Variants in CCDC171 observed in about 807,000 individuals in gnomAD.
CCDC171 encodes the protein coiled-coil domain containing 171.
A neutral mutation model predicts 168.2 loss-of-function variants in CCDC171; 177 were observed. That is an observed-to-expected ratio of 1.05 (90% confidence interval 0.93 to 1.19). CCDC171 has a LOEUF of 1.19. CCDC171 is among the 50% of genes most tolerant of loss of function. The pLI, the probability that CCDC171 is intolerant of heterozygous loss-of-function variation, is 0.00. For synonymous variants in CCDC171, 687 were observed against 540.8 expected (o/e 1.27, Z -3.75); for missense variants, 1,991 against 1,539.0 (o/e 1.29, Z -4.91).
chr9:15,581,118 G>A (rs1284423861), intron 4 of CCDC171, among the ~76,000 whole-genome samples: 1 of 152,138 alleles, frequency 6.6e-6, no homozygotes, highest in Non-Finnish European at 1.5e-5. Context: ...AAAATTGCAA[G>A]CATTCCTATA....
chr9:15,952,994 G>T (rs1829382681), intron 25 of CCDC171, among the ~76,000 whole-genome samples: 1 of 152,052 alleles, frequency 6.6e-6, no homozygotes, highest in South Asian at 2.1e-4. Context: ...TATTGTTAGG[G>T]TATGGAAATG....
chr9:15,707,853 A>G (rs1036105911), intron 11 of CCDC171, among the ~76,000 whole-genome samples: 1 of 152,134 alleles, frequency 6.6e-6, no homozygotes, highest in Non-Finnish European at 1.5e-5. Context: ...CTGATTATTA[A>G]TATTATTATT....
the CCDC171 span, among the ~76,000 whole-genome samples, chr9:16,106,530 C>G: frequency 6.6e-6 from 1 of 152,186 alleles, no homozygotes; most frequent in Admixed American, 6.5e-5. Context: ...CAAAGGGTTT[C>G]CCAAGCCTGT....
chr9:15,959,902 G>A (rs1021556744), intron 25 of CCDC171, among the ~76,000 whole-genome samples: 11 of 152,188 alleles, frequency 7.2e-5, no homozygotes, highest in Admixed American at 5.2e-4. Flanking sequence ...AGTTGTCACA[G>A]TTTTCAGATG....
chr9:15,747,068 C>T (rs369649158), intron 18 of CCDC171, among the ~76,000 whole-genome samples: 4 of 152,110 alleles, frequency 2.6e-5, no homozygotes, highest in Admixed American at 6.5e-5. Context: ...TGGAGCTTGG[C>T]GGGGGGAGGG....
At chr9:16,009,866 G>A (rs1832816491) in intron 3 of CCDC171, among the ~76,000 whole-genome samples, 1 of 152,154 alleles carries the variant, frequency 6.6e-6, no homozygotes, top group African/African-American at 2.4e-5. Flanking sequence ...CTTGAAAGTA[G>A]ACAGCTAATG....
intron 25 of CCDC171, among the ~76,000 whole-genome samples, chr9:15,935,717 T>C (rs926768173): frequency 6.6e-6 from 1 of 152,072 alleles, no homozygotes; most frequent in Non-Finnish European, 1.5e-5. Flanking sequence ...GAGTATTTCC[T>C]TTTTTTATGC....
rs2058089577 is a variant in CCDC171 at position 15,788,610 on chromosome 9, G to T, written c.3267+3916G>T. Among the ~76,000 whole-genome samples, 4 of 149,830 alleles carry T rather than the reference G, an allele frequency of 2.7e-5. No individual in the cohort carries two copies. The South Asian group carries it at 6.3e-4, about 24-fold the overall frequency. On this transcript the variant is annotated intron_variant, in intron 21 of 25. Transcript: ENST00000380701. ...TTTGTTTTTTTTTTTTTAAAGACAG[G>T]GCCTCACTCTGTTGCCCAGGCCACG...
At chr9:15,617,947 C>T (rs1232219203) in intron 6 of CCDC171, among the ~76,000 whole-genome samples, 1 of 152,170 alleles carries the variant, frequency 6.6e-6, no homozygotes. Flanking sequence ...CTGTCGATCC[C>T]TATTGGGAGG....
At chr9:16,020,640 T>G (rs1185387854) in exon 4 of CCDC171, 2 of 154,374 alleles carry the variant, frequency 1.3e-5, no homozygotes, top group Admixed American at 1.3e-4. Flanking sequence ...AAAAGTTACT[T>G]GAACACAAGT....
At chr9:16,034,329 A>G (rs1833424130) in intron 6 of CCDC171, among the ~76,000 whole-genome samples, 1 of 152,144 alleles carries the variant, frequency 6.6e-6, no homozygotes, top group Admixed American at 6.5e-5. Context: ...AGGCCACCTA[A>G]TTTGACACAC....
intron 11 of CCDC171, among the ~76,000 whole-genome samples, chr9:15,719,403 G>T (rs1203943084): frequency 4.2e-4 from 37 of 87,388 alleles, no homozygotes; most frequent in African/African-American, 1.5e-3. Context: ...GGGGTGGGGG[G>T]CGGGGCGGGG....
At chr9:15,906,877 T>C (rs200322569) in intron 24 of CCDC171, among the ~76,000 whole-genome samples, 19 of 152,032 alleles carry the variant, frequency 1.2e-4, no homozygotes, top group Admixed American at 4.6e-4. Context: ...TATACACCAA[T>C]AACAGACAAG....
intron 21 of CCDC171, among the ~76,000 whole-genome samples, chr9:15,787,999 A>G (rs1419921396): frequency 3.3e-5 from 5 of 152,184 alleles, no homozygotes; most frequent in East Asian, 1.9e-4. Context: ...GTTTGTGTTT[A>G]GGTATAATAT....
chr9:15,553,751 A>G (rs577446835), intron 1 of CCDC171: 1 of 152,218 alleles, frequency 6.6e-6, no homozygotes, highest in Non-Finnish European at 1.5e-5. Context: ...CCTACCCTCC[A>G]GGACTCTGAG....
At position 15,698,338 on chromosome 9, in the gene CCDC171, G is replaced by A. The variant is rs149965305; in HGVS notation, c.1318+3001G>A. 3.9e-3 allele frequency among the ~76,000 whole-genome samples: 593 copies of A among 152,114 alleles called. 6 individuals are homozygous for A. Among genetic ancestry groups the A allele is most frequent in the African/African-American group, 0.013 (551 of 41,502 alleles). On this transcript the variant is annotated intron_variant, in intron 11 of 25. Transcript: ENST00000380701. ...AGATTGAGACCATCCTGGCTAACAC[G>A]GTGAAACACCGTCTCTACTAAAAAT...
At chr9:15,863,814 T>C (rs2061659238) in intron 23 of CCDC171, among the ~76,000 whole-genome samples, 1 of 152,080 alleles carries the variant, frequency 6.6e-6, no homozygotes, top group Admixed American at 6.6e-5. Context: ...TGTTGAAAAG[T>C]AGATATTTTG....
rs548105817 is a variant in CCDC171 at position 15,588,228 on chromosome 9, C to CT, written c.353-3137dup. On this transcript the variant is annotated intron_variant, in intron 4 of 25. Coordinates refer to ENST00000380701, the MANE Select transcript of CCDC171 (RefSeq NM_173550.4). ...CCAGCCTGGGTGAGAGAGTGAGACT[C>CT]TGTCTCAAAGAATTTAAAAATATGG... 1.3e-4 allele frequency: 21 copies of CT among 160,386 alleles called. No individual in the cohort carries two copies. In the South Asian group the frequency reaches 3.7e-3, roughly 28 times the overall value. The allele number at this position is 160,386 out of a possible 1,614,324, so 9.9% of individuals were successfully genotyped here.
chr9:16,090,385 G>A, the CCDC171 span, among the ~76,000 whole-genome samples: 7 of 152,116 alleles, frequency 4.6e-5, no homozygotes, highest in Admixed American at 1.3e-4. Flanking sequence ...ATGGACACAG[G>A]GAGGGGAACA....
Sources: allele counts gnomAD v4.1 joint callset (sites outside exome capture counted in the v4.1 genomes callset), GRCh38; gene constraint gnomAD v4.1.1; transcripts MANE v1.5; gene names NCBI Gene and HGNC (gene_info 2026-07-23, HGNC 2026-07-21).